FKBP10: variants seen among roughly 807,000 people sequenced by gnomAD.
FKBP10 encodes peptidyl-prolyl cis-trans isomerase FKBP10.
FKBP10 carries 34 observed loss-of-function variants against 53.7 expected under a neutral mutation model. The ratio of observed to expected loss-of-function variants is 0.63; its 90% CI spans 0.48 to 0.84. FKBP10 has a LOEUF of 0.84. FKBP10 is among the 40% of genes least tolerant of loss of function. The probability of loss-of-function intolerance (pLI) is 0.00; values close to 1 mark genes in which losing one functional copy is unlikely to be tolerated. For synonymous variants in FKBP10, 324 were observed against 335.7 expected (o/e 0.97, Z 0.38); for missense variants, 748 against 797.8 (o/e 0.94, Z 0.75).
chr17:41,815,606 C>G (rs2047805400), intron 1 of FKBP10, among the ~76,000 whole-genome samples: 1 of 151,736 alleles, frequency 6.6e-6, no homozygotes, highest in South Asian at 2.1e-4. Context: ...GCTGGGACTA[C>G]AGGCGCCTCC....
At position 41,819,198 on chromosome 17, in the gene FKBP10, T is replaced by G. The variant is rs1555616548; in HGVS notation, c.728-12T>G. ...CCCCAATTTTATGGTTCAAGCCCTA[T>G]CCCTTCCCCAGGGACAGTGATCCCC... is the stretch of plus-strand genomic sequence containing the variant. On this transcript the variant is annotated splice_polypyrimidine_tract_variant and intron_variant, in intron 4 of 9. Transcript: ENST00000321562. 1 of 1,614,026 alleles carries G rather than the reference T, an allele frequency of 6.2e-7. No homozygotes were observed. The highest frequency in any genetic ancestry group is 1.7e-5 in the Admixed American group (1 of 60,002).
rs2047894240 is a variant in FKBP10, at chr17:41,821,759, C to A, written c.1505C>A (p.Pro502His). The change falls in exon 9 of 10, where the codon CCT becomes CAT. Residue 502 changes from proline to histidine, a missense_variant. Pro to His is a moderately conservative substitution (Grantham distance 77). Transcript: ENST00000321562. Reference sequence around the variant, plus strand: ...CTGTTTGTGTGGCACAAGGACCCTCCTGCCAACCTGTTTGAAGACATGGAC... The same window carrying A: ...CTGTTTGTGTGGCACAAGGACCCTCATGCCAACCTGTTTGAAGACATGGAC... ...GYLFVWHKDPPANLFEDMDLN... is the reference protein window; with the variant it reads ...GYLFVWHKDPHANLFEDMDLN... 2 of 1,614,054 alleles carry A rather than the reference C, an allele frequency of 1.2e-6. No individual in the cohort carries two copies. Among genetic ancestry groups the A allele is most frequent in the Admixed American group, 3.3e-5 (2 of 60,004 alleles).
chr17:41,821,558 G>A lies in FKBP10; in HGVS notation c.1400-96G>A, dbSNP rs538876939. 7 of 1,474,474 alleles carry A rather than the reference G, an allele frequency of 4.7e-6. No individual in the cohort carries two copies. In the African/African-American group the frequency reaches 9.7e-5, roughly 21 times the overall value. 91.3% of individuals were successfully genotyped at this position (1,474,474 alleles called of 1,614,324 possible). On this transcript the variant is annotated intron_variant, in intron 8 of 9. Transcript: ENST00000321562. ...TGCCCCACTCTCCAGCCCAGCCCCA[G>A]GAGGGGAAACTGGCCTGTGGGCTGG...
At chr17:41,818,355 C>T (rs372524414) in intron 3 of FKBP10, 27 bp from the exon 4 acceptor site, 55 of 1,614,096 alleles carry the variant, frequency 3.4e-5, no homozygotes, top group Middle Eastern at 3.3e-4. Flanking sequence ...CAGCCTGCCT[C>T]TCCCACCTCC....
At chr17:41,818,032 G>A in intron 2 of FKBP10, 57 bp from the exon 3 acceptor site, 1 of 1,517,888 alleles carries the variant, frequency 6.6e-7, no homozygotes, top group Non-Finnish European at 8.9e-7. Context: ...GGCCCTGGCT[G>A]GGATCGTGGT....
At chr17:41,818,749 C>T (rs1555616482) in intron 4 of FKBP10, 7 of 576,548 alleles carry the variant, frequency 1.2e-5, no homozygotes, top group Non-Finnish European at 1.5e-5. Flanking sequence ...GGGAGGATCA[C>T]GAGGTCAGGA....
In FKBP10 at chr17:41,822,569, C is replaced by G; in HGVS notation, c.*161C>G. 1.3e-6 allele frequency: 1 copy of G among 769,452 alleles called. No homozygotes were observed. Among genetic ancestry groups the G allele is most frequent in the Non-Finnish European group, 2.2e-6 (1 of 458,088 alleles). The allele number at this position is 769,452 out of a possible 1,614,324, so 47.7% of individuals were successfully genotyped here. On this transcript the variant is annotated 3_prime_UTR_variant, in exon 10 of 10. Transcript: ENST00000321562. ...GAGACATCTCTGGTGTTCCCACCAC[C>G]CTAGATGAAAATCCACAGCACAGAC...
At chr17:41,813,375 C>T in intron 1 of FKBP10, 96 bp downstream of exon 1, 1 of 1,539,924 alleles carries the variant, frequency 6.5e-7, no homozygotes, top group African/African-American at 1.4e-5. Context: ...CATCCCAATA[C>T]TCTAACCCTA....
intron 1 of FKBP10, 38 bp downstream of exon 1, chr17:41,813,317 T>A: frequency 1.9e-6 from 3 of 1,612,532 alleles, no homozygotes; most frequent in East Asian, 2.2e-5. Context: ...CACCACTCCG[T>A]CCCCTGAACC....
chr17:41,821,614 C>G (rs1454563517), intron 8 of FKBP10, 40 bp from the exon 9 acceptor site: 1 of 1,611,280 alleles, frequency 6.2e-7, no homozygotes, highest in Non-Finnish European at 8.5e-7. Context: ...AGACCCCGGC[C>G]TGACTAGGAC....
intron 8 of FKBP10, 55 bp from the exon 9 acceptor site, chr17:41,821,599 G>A (rs2047891587): frequency 4.4e-6 from 7 of 1,604,856 alleles, no homozygotes; most frequent in Non-Finnish European, 6.0e-6. Context: ...AGTGAAGCCA[G>A]GCCCAGACCC....
At chr17:41,816,569 T>C (rs1310845138) in intron 1 of FKBP10, among the ~76,000 whole-genome samples, 1 of 152,220 alleles carries the variant, frequency 6.6e-6, no homozygotes, top group South Asian at 2.1e-4. Flanking sequence ...ATATTAGCTG[T>C]GTGACCTTGG....
chr17:41,818,820 G>A (rs373056880), intron 4 of FKBP10: 1 of 430,716 alleles, frequency 2.3e-6, no homozygotes, highest in South Asian at 2.1e-5. Context: ...GCCGGGCGTG[G>A]TGGGGGCGCC....
At position 41,819,660 on chromosome 17, in the gene FKBP10, G is replaced by A; in HGVS notation, c.1048G>A (p.Gly350Arg). ...TACCATCCCCCCGCACCTCGCCTAT[G>A]GGGAGAATGGAACTGGTAGGGGCGT... ...RITIPPHLAY[G>R]ENGTGDKIPG... The change falls in exon 6 of 10, where the codon GGG becomes AGG. Residue 350 changes from glycine (G) to arginine (R), a missense_variant. Physicochemically the swap from Gly to Arg is moderately radical, Grantham distance 125. Transcript: ENST00000321562. 1 of 1,606,336 alleles carries A rather than the reference G, an allele frequency of 6.2e-7. No homozygotes were observed. The highest frequency in any genetic ancestry group is 8.5e-7 in the Non-Finnish European group (1 of 1,176,618).
chr17:41,817,661 C>T (rs1047372961), intron 2 of FKBP10, among the ~76,000 whole-genome samples: 2 of 150,204 alleles, frequency 1.3e-5, no homozygotes, highest in African/African-American at 4.9e-5. Context: ...CAGCATCTCA[C>T]TCTGTTGCAC....
At position 41,821,643 on chromosome 17, in the gene FKBP10, C is replaced by T. The variant is rs1597910182; in HGVS notation, c.1400-11C>T. The T allele has an allele frequency of 6.2e-7, 1 of 1,613,540 alleles. No individual in the cohort carries two copies. Among genetic ancestry groups the T allele is most frequent in the Non-Finnish European group, 8.5e-7 (1 of 1,179,908 alleles). ...CTAGGACCCCTCCCTTCTCTCCTGCCCTCCCTCCAGCCCGGGGAGTCCCAG... is the reference window on the plus strand; with the variant it reads ...CTAGGACCCCTCCCTTCTCTCCTGCTCTCCCTCCAGCCCGGGGAGTCCCAG... On this transcript the variant is annotated splice_polypyrimidine_tract_variant and intron_variant, in intron 8 of 9. Coordinates refer to ENST00000321562, the MANE Select transcript of FKBP10 (RefSeq NM_021939.4).
At chr17:41,820,111 A>C in intron 6 of FKBP10, 158 bp from the exon 7 acceptor site, 4 of 1,216,760 alleles carry the variant, frequency 3.3e-6, no homozygotes, top group Non-Finnish European at 4.6e-6. Flanking sequence ...CCCCAGTGAA[A>C]GTTTGTTAGA....
At chr17:41,822,043 C>G (rs2047898653) in intron 9 of FKBP10, among the ~76,000 whole-genome samples, 180 bp from the exon 10 acceptor site, 1 of 152,194 alleles carries the variant, frequency 6.6e-6, no homozygotes, top group Non-Finnish European at 1.5e-5. Context: ...CGCCTCCACC[C>G]CAGCCCCCAC....
chr17:41,817,948 A>C (rs1398367205), intron 2 of FKBP10, 141 bp from the exon 3 acceptor site: 3 of 921,740 alleles, frequency 3.3e-6, no homozygotes, highest in East Asian at 5.2e-5. Context: ...TTAAAAAAAA[A>C]AAACAAAAAT....
Sources: allele counts gnomAD v4.1 joint callset (sites outside exome capture counted in the v4.1 genomes callset), GRCh38; gene constraint gnomAD v4.1.1; transcripts MANE v1.5; gene names NCBI Gene and HGNC (gene_info 2026-07-23, HGNC 2026-07-21).